Variants in GSTCD observed in about 807,000 individuals in gnomAD.
GSTCD encodes the protein glutathione S-transferase C-terminal domain containing.
A neutral mutation model predicts 68.3 loss-of-function variants in GSTCD; 44 were observed. The observed-to-expected ratio is 0.64, with a 90% CI of 0.51 to 0.83. The LOEUF is 0.83. GSTCD is among the 40% of genes least tolerant of loss of function. GSTCD has a pLI of 0.00. For synonymous variants in GSTCD, 273 were observed against 255.2 expected (o/e 1.07, Z -0.67); for missense variants, 739 against 735.9 (o/e 1.00, Z -0.05).
At chr4:105,823,164 G>A (rs1723398592) in intron 6 of GSTCD, 67 bp from the exon 7 acceptor site, 1 of 1,588,952 alleles carries the variant, frequency 6.3e-7, no homozygotes, top group African/African-American at 1.3e-5. Context: ...TGGCAAGATT[G>A]TGGTTTCAGA....
chr4:105,749,942 A>G (rs1315135543), intron 5 of GSTCD, among the ~76,000 whole-genome samples: 2 of 152,226 alleles, frequency 1.3e-5, no homozygotes, highest in African/African-American at 2.4e-5. Flanking sequence ...AAGAACTTGG[A>G]TCAAGATATA....
intron 5 of GSTCD, among the ~76,000 whole-genome samples, chr4:105,812,642 G>A (rs1437937770): frequency 6.6e-6 from 1 of 152,078 alleles, no homozygotes; most frequent in African/African-American, 2.4e-5. Flanking sequence ...AACCATTAAG[G>A]TAAGTCTTGA....
At chr4:105,840,448 T>C (rs182465632) in intron 10 of GSTCD, 167 of 226,120 alleles carry the variant, frequency 7.4e-4, no homozygotes, top group Middle Eastern at 5.5e-3. Flanking sequence ...TAGACAAAGA[T>C]ATCCCTTTTA....
At chr4:105,832,162 T>A (rs1483062413) in intron 8 of GSTCD, among the ~76,000 whole-genome samples, 1 of 152,204 alleles carries the variant, frequency 6.6e-6, no homozygotes, top group East Asian at 1.9e-4. Flanking sequence ...TATATGGCTG[T>A]CTGGTTAACC....
chr4:105,823,137 A>C, intron 6 of GSTCD, 68 bp downstream of exon 6: 1 of 1,569,984 alleles, frequency 6.4e-7, no homozygotes, highest in Non-Finnish European at 8.8e-7. Context: ...TATTACATTC[A>C]AGGTCATGTT....
At chr4:105,805,461 T>A (rs752780373) in intron 5 of GSTCD, among the ~76,000 whole-genome samples, 11 of 152,160 alleles carry the variant, frequency 7.2e-5, no homozygotes, top group Admixed American at 1.3e-4. Context: ...GAGAATTTTT[T>A]AATACACAAT....
intron 1 of GSTCD, chr4:105,711,145 A>G (rs1214399610): frequency 3.3e-5 from 5 of 152,230 alleles, no homozygotes; most frequent in Admixed American, 3.3e-4. Context: ...TTTCAGCCAA[A>G]TACTGTTGTT....
chr4:105,737,706 A>G (rs542893543), intron 5 of GSTCD, among the ~76,000 whole-genome samples: 1 of 152,342 alleles, frequency 6.6e-6, no homozygotes, highest in Non-Finnish European at 1.5e-5. Context: ...TTCTAGTACC[A>G]TTTATTGAAG....
At chr4:105,715,352 A>G (rs917574186) in intron 1 of GSTCD, among the ~76,000 whole-genome samples, 7 of 152,170 alleles carry the variant, frequency 4.6e-5, no homozygotes, top group Non-Finnish European at 8.8e-5. Flanking sequence ...TTTTTGTTTT[A>G]AAATTATCTC....
At chr4:105,723,523 A>G (rs904790515) in intron 3 of GSTCD, among the ~76,000 whole-genome samples, 3 of 151,808 alleles carry the variant, frequency 2.0e-5, no homozygotes, top group Non-Finnish European at 3.0e-5. Context: ...GATTTAAAGT[A>G]TAGGAGAGGA....
At chr4:105,728,881 A>G (rs72671862) in intron 4 of GSTCD, among the ~76,000 whole-genome samples, 6,768 of 152,166 alleles carry the variant, frequency 0.044, 209 homozygotes, top group Middle Eastern at 0.13. Context: ...AATATTGGGA[A>G]CCATTTGGTT....
intron 5 of GSTCD, among the ~76,000 whole-genome samples, chr4:105,758,611 C>CAATTA (rs1460345633): frequency 6.6e-6 from 1 of 152,158 alleles, no homozygotes; most frequent in Non-Finnish European, 1.5e-5. Context: ...AACTGCAAGC[C>CAATTA]AATTAAATCT....
At chr4:105,819,253 A>C (rs1229729296) in intron 5 of GSTCD, among the ~76,000 whole-genome samples, 1 of 151,718 alleles carries the variant, frequency 6.6e-6, no homozygotes, top group Non-Finnish European at 1.5e-5. Context: ...TCTCCTAAAT[A>C]TGTCATATTG....
intron 5 of GSTCD, among the ~76,000 whole-genome samples, chr4:105,767,272 T>C (rs928498218): frequency 6.6e-6 from 1 of 152,198 alleles, no homozygotes; most frequent in Admixed American, 6.5e-5. Flanking sequence ...CTACTTGTTA[T>C]AAGAGTAAGT....
intron 10 of GSTCD, among the ~76,000 whole-genome samples, 177 bp from the exon 11 acceptor site, chr4:105,841,887 AT>A (rs2149288934): frequency 6.6e-6 from 1 of 152,226 alleles, no homozygotes; most frequent in South Asian, 2.1e-4. Context: ...AAGGGAAGAA[AT>A]TATTAAGTAC....
chr4:105,834,776 C>T (rs1005139991), intron 9 of GSTCD, among the ~76,000 whole-genome samples, 182 bp downstream of exon 9: 4 of 152,168 alleles, frequency 2.6e-5, no homozygotes, highest in South Asian at 4.1e-4. Context: ...CCTGATTTTT[C>T]CCCTGGATCC....
intron 5 of GSTCD, among the ~76,000 whole-genome samples, chr4:105,745,166 A>C (rs747385243): frequency 2.6e-5 from 4 of 152,178 alleles, no homozygotes; most frequent in African/African-American, 4.8e-5. Context: ...GTCTCTCAAT[A>C]TATGGATAGT....
chr4:105,746,121 A>G (rs1202443572), intron 5 of GSTCD: 1 of 152,210 alleles, frequency 6.6e-6, no homozygotes, highest in African/African-American at 2.4e-5. Flanking sequence ...TGACTCCCCA[A>G]AAACTTAATA....
rs536217392 is a variant in GSTCD, at chr4:105,736,190, A to T, written c.1240+6691A>T. ...TTTATATTTTGTACTTGTTATTTCT[A>T]ATACTTAATGTTCATAGAGGTATAA... On this transcript the variant is annotated intron_variant, in intron 5 of 11. Coordinates refer to ENST00000515279, the MANE Select transcript of GSTCD (RefSeq NM_001370181.1). Among the ~76,000 whole-genome samples, 7 of 152,138 alleles carry T rather than the reference A, an allele frequency of 4.6e-5. No homozygotes were observed. The South Asian group carries it at 1.5e-3, about 32-fold the overall frequency.
Sources: allele counts gnomAD v4.1 joint callset (sites outside exome capture counted in the v4.1 genomes callset), GRCh38; gene constraint gnomAD v4.1.1; transcripts MANE v1.5; gene names NCBI Gene and HGNC (gene_info 2026-07-23, HGNC 2026-07-21).